Variants in NOL4 observed in about 807,000 individuals in gnomAD.
NOL4 encodes the protein cancer/testis antigen 125.
A neutral mutation model predicts 75.9 loss-of-function variants in NOL4; 17 were observed. That is an observed-to-expected ratio of 0.22 (90% CI 0.15 to 0.34). NOL4 has a LOEUF of 0.34. Among genes scored for constraint, NOL4 ranks in the 10% least tolerant of loss-of-function variants. The probability of loss-of-function intolerance (pLI) is 1.00; values close to 1 mark genes in which losing one functional copy is unlikely to be tolerated. For synonymous variants in NOL4, 292 were observed against 289.9 expected (o/e 1.01, Z -0.07); for missense variants, 614 against 793.5 (o/e 0.77, Z 2.72).
rs138612777 is a variant in NOL4, at chr18:34,038,305, T to C, written c.773-18704A>G. Among the ~76,000 whole-genome samples, 134 of 152,162 alleles carry C rather than the reference T, an allele frequency of 8.8e-4. 2 individuals are homozygous for C. The East Asian group carries it at 0.015, about 17-fold the overall frequency. The stretch of plus-strand genomic sequence containing the variant: ...TATTGTTGGTGGGAATGTAAATTAG[T>C]ACAAGCACTATGAAAAACAGCATAG... On this transcript the variant is annotated intron_variant, in intron 5 of 10. Coordinates refer to ENST00000261592, the MANE Select transcript of NOL4 (RefSeq NM_003787.5).
rs774417991 is a variant in NOL4, at chr18:33,958,232, G to A, written c.1236+7C>T. On this transcript the variant is annotated splice_region_variant and intron_variant, in intron 7 of 10. Coordinates refer to ENST00000261592, the MANE Select transcript of NOL4 (RefSeq NM_003787.5). ...TTAAACCACACTTGGAGTGTGGCAG[G>A]ACTCACATTAAAAGCTTTCAGCCGC... The A allele has an allele frequency of 2.5e-6, 4 of 1,610,714 alleles. No individual in the cohort carries two copies. The highest frequency in any genetic ancestry group is 1.7e-5 in the Admixed American group (1 of 59,794).
chr18:33,920,232 A>T (rs1599869516), intron 9 of NOL4, among the ~76,000 whole-genome samples: 1 of 152,170 alleles, frequency 6.6e-6, no homozygotes, highest in East Asian at 1.9e-4. Context: ...GGTCTATTAC[A>T]GTCTCCTGAT....
chr18:34,030,170 T>C (rs1329489986), intron 5 of NOL4, among the ~76,000 whole-genome samples: 1 of 152,198 alleles, frequency 6.6e-6, no homozygotes, highest in Non-Finnish European at 1.5e-5. Context: ...AAAGGAGCAA[T>C]GCCTATTATA....
At chr18:33,964,505 AAAG>A (rs1187020004) in intron 6 of NOL4, among the ~76,000 whole-genome samples, 1 of 151,140 alleles carries the variant, frequency 6.6e-6, no homozygotes, top group African/African-American at 2.5e-5. Flanking sequence ...AAAAGAAAGA[AAAG>A]AAAGGAAGGA....
intron 9 of NOL4, among the ~76,000 whole-genome samples, chr18:33,920,476 A>C (rs1035858299): frequency 6.6e-6 from 1 of 152,212 alleles, no homozygotes; most frequent in Non-Finnish European, 1.5e-5. Flanking sequence ...CCATACATGC[A>C]TTCTTCAAAA....
At chr18:34,050,405 A>G (rs2076578964) in intron 5 of NOL4, among the ~76,000 whole-genome samples, 1 of 152,118 alleles carries the variant, frequency 6.6e-6, no homozygotes, top group Non-Finnish European at 1.5e-5. Context: ...TTCTTAGTTA[A>G]AAATGTGTTG....
At chr18:34,123,368 T>C (rs1391461156) in intron 2 of NOL4, among the ~76,000 whole-genome samples, 1 of 151,536 alleles carries the variant, frequency 6.6e-6, no homozygotes, top group African/African-American at 2.4e-5. Context: ...CTGAATAATA[T>C]TCAGTAGCTG....
intron 6 of NOL4, among the ~76,000 whole-genome samples, chr18:33,965,848 T>G (rs771089783): frequency 5.3e-5 from 8 of 152,128 alleles, no homozygotes; most frequent in African/African-American, 1.7e-4. Context: ...AGCATAAGAA[T>G]GGACTAATAC....
At chr18:34,063,604 A>G (rs1036617180) in intron 5 of NOL4, among the ~76,000 whole-genome samples, 5 of 152,214 alleles carry the variant, frequency 3.3e-5, no homozygotes, top group African/African-American at 9.6e-5. Context: ...GACACAAGTC[A>G]GCACTTCAAA....
At chr18:34,053,433 C>A (rs1048534351) in intron 5 of NOL4, among the ~76,000 whole-genome samples, 1 of 151,890 alleles carries the variant, frequency 6.6e-6, no homozygotes, top group African/African-American at 2.4e-5. Flanking sequence ...GTAGGTTAGA[C>A]CCTATGAGTG....
rs1397402168 is a variant in NOL4, at chr18:33,881,156, GCTCT to G, written c.1723+2084_1723+2087del. Among the ~76,000 whole-genome samples the G allele has an allele frequency of 3.3e-5, 5 of 151,008 alleles. No individual in the cohort carries two copies. The Admixed American group carries it at 3.3e-4, about 10-fold the overall frequency. ...TGAATGGGAGTTCACTCATGATTTGGCTCTCTGTTTGTCTGTTGCTGGTGTATAA... is the reference window on the plus strand; with the variant it reads ...TGAATGGGAGTTCACTCATGATTTGGCTGTTTGTCTGTTGCTGGTGTATAA... On this transcript the variant is annotated intron_variant, in intron 10 of 10. Transcript: ENST00000261592.
chr18:34,105,895 T>C (rs2079251996), intron 2 of NOL4, among the ~76,000 whole-genome samples: 1 of 151,990 alleles, frequency 6.6e-6, no homozygotes, highest in African/African-American at 2.4e-5. Flanking sequence ...TTACAGTAAT[T>C]TTATAAATAT....
chr18:33,962,402 G>A (rs2070217651), intron 6 of NOL4, among the ~76,000 whole-genome samples: 1 of 152,168 alleles, frequency 6.6e-6, no homozygotes, highest in Admixed American at 6.6e-5. Flanking sequence ...TTTGTAAGCA[G>A]CAGGAGATAT....
intron 10 of NOL4, among the ~76,000 whole-genome samples, chr18:33,862,922 A>T (rs1333665941): frequency 3.3e-5 from 5 of 152,082 alleles, no homozygotes; most frequent in African/African-American, 7.3e-5. Context: ...CATTACTGGG[A>T]ATATACCCAA....
At chr18:33,861,735 G>T (rs2063145187) in intron 10 of NOL4, among the ~76,000 whole-genome samples, 1 of 152,054 alleles carries the variant, frequency 6.6e-6, no homozygotes, top group Admixed American at 6.6e-5. Context: ...CCTCTTCAAG[G>T]AGAACTACAA....
chr18:34,152,172 A>T (rs2081670245), intron 1 of NOL4, among the ~76,000 whole-genome samples: 1 of 151,942 alleles, frequency 6.6e-6, no homozygotes. Flanking sequence ...AAAAGAAAGA[A>T]ATCTTCCATT....
intron 5 of NOL4, among the ~76,000 whole-genome samples, chr18:34,057,085 T>C (rs2076863313): frequency 6.6e-6 from 1 of 152,190 alleles, no homozygotes; most frequent in South Asian, 2.1e-4. Context: ...AACCCTGACA[T>C]GTCCCTCTTA....
chr18:34,108,906 G>A (rs1169096310), intron 2 of NOL4, among the ~76,000 whole-genome samples: 1 of 152,100 alleles, frequency 6.6e-6, no homozygotes, highest in African/African-American at 2.4e-5. Flanking sequence ...CTACTCACGT[G>A]AACAGGGAAG....
intron 9 of NOL4, among the ~76,000 whole-genome samples, chr18:33,886,063 G>A (rs974754856): frequency 6.6e-6 from 1 of 151,924 alleles, no homozygotes; most frequent in African/African-American, 2.4e-5. Context: ...TCATAAACCA[G>A]GCCAAGTAAG....
Sources: allele counts gnomAD v4.1 joint callset (sites outside exome capture counted in the v4.1 genomes callset), GRCh38; gene constraint gnomAD v4.1.1; transcripts MANE v1.5; gene names NCBI Gene and HGNC (gene_info 2026-07-23, HGNC 2026-07-21).